SEC14L2: variants seen among roughly 807,000 people sequenced by gnomAD.
SEC14L2 encodes the protein SEC14 like lipid binding 2, also known as SEC14-like protein 2.
A neutral mutation model predicts 56.9 loss-of-function variants in SEC14L2; 50 were observed. That is an observed-to-expected ratio of 0.88 (90% confidence interval 0.70 to 1.11). The LOEUF is 1.11. Among genes scored for constraint, SEC14L2 ranks in the 50% most tolerant of loss-of-function variants. The probability of loss-of-function intolerance (pLI) is 0.00; values close to 1 mark genes in which losing one functional copy is unlikely to be tolerated. For synonymous variants in SEC14L2, 179 were observed against 188.5 expected (o/e 0.95, Z 0.41); for missense variants, 414 against 500.7 (o/e 0.83, Z 1.65).
At chr22:30,408,257 G>A (rs1250941446) in intron 5 of SEC14L2, among the ~76,000 whole-genome samples, 3 of 152,094 alleles carry the variant, frequency 2.0e-5, no homozygotes, top group Non-Finnish European at 4.4e-5. Context: ...GGTACCACTG[G>A]TGCAAATGAT....
intron 11 of SEC14L2, 116 bp downstream of exon 11, chr22:30,416,519 C>T (rs2146038164): frequency 6.3e-7 from 1 of 1,575,692 alleles, no homozygotes; most frequent in African/African-American, 1.3e-5. Context: ...AGTGGAATGC[C>T]ATCAGTTCAA....
intron 7 of SEC14L2, among the ~76,000 whole-genome samples, chr22:30,410,184 G>C (rs1217709756): frequency 6.6e-6 from 1 of 151,894 alleles, no homozygotes; most frequent in Non-Finnish European, 1.5e-5. Context: ...CACTGCTTGA[G>C]CCCAGGAGTA....
chr22:30,422,152 G>A, intron 11 of SEC14L2, 125 bp from the exon 12 acceptor site: 1 of 1,184,524 alleles, frequency 8.4e-7, no homozygotes. Context: ...CATTACCTAG[G>A]CTACCTTCAT....
intron 1 of SEC14L2, chr22:30,398,626 T>C (rs1183382876): frequency 2.2e-6 from 1 of 458,020 alleles, no homozygotes; most frequent in Non-Finnish European, 4.6e-6. Context: ...AACTGTTCCC[T>C]CCACCTGAGT....
chr22:30,424,655 C>T lies in SEC14L2; in HGVS notation c.*2248C>T. The T allele has an allele frequency of 2.2e-6, 1 of 455,052 alleles. No homozygotes were observed. Among genetic ancestry groups the T allele is most frequent in the Non-Finnish European group, 4.4e-6 (1 of 226,474 alleles). 28.2% of individuals were successfully genotyped at this position (455,052 alleles called of 1,614,324 possible). ...AGTGCTCGTCAATGTTGGCTACTCTCATTTTTTTTGCAGACGTGGGAACTG... is the reference window on the plus strand; with the variant it reads ...AGTGCTCGTCAATGTTGGCTACTCTTATTTTTTTTGCAGACGTGGGAACTG... On this transcript the variant is annotated 3_prime_UTR_variant, in exon 12 of 12. Coordinates refer to ENST00000615189, the MANE Select transcript of SEC14L2 (RefSeq NM_012429.5).
intron 11 of SEC14L2, 124 bp from the exon 12 acceptor site, chr22:30,422,143 ATTACCTAGGC>A: frequency 1.8e-6 from 2 of 1,108,828 alleles, no homozygotes; most frequent in Admixed American, 4.5e-5. Flanking sequence ...GTCAAGGATC[ATTACCTAGGC>A]TACCTTCATC....
chr22:30,407,648 G>T, intron 5 of SEC14L2, 45 bp downstream of exon 5: 1 of 1,555,366 alleles, frequency 6.4e-7, no homozygotes. Context: ...CACAGCAGAG[G>T]CATTCCAGCA....
At chr22:30,398,609 C>T (rs1021083471) in intron 1 of SEC14L2, 7 of 444,890 alleles carry the variant, frequency 1.6e-5, no homozygotes, top group Admixed American at 4.8e-5. Context: ...CTGGCTTCCC[C>T]TACTGGAACT....
At chr22:30,405,951 T>C (rs912093388) in intron 2 of SEC14L2, among the ~76,000 whole-genome samples, 1 of 152,096 alleles carries the variant, frequency 6.6e-6, no homozygotes, top group African/African-American at 2.4e-5. Context: ...GGTCTCAGGA[T>C]TGGATGTGAG....
chr22:30,398,191 G>A (rs1210368638), intron 1 of SEC14L2, among the ~76,000 whole-genome samples: 1 of 152,252 alleles, frequency 6.6e-6, no homozygotes, highest in Non-Finnish European at 1.5e-5. Context: ...GGAGGCTTCA[G>A]ATTTTACTGC....
intron 11 of SEC14L2, among the ~76,000 whole-genome samples, chr22:30,419,095 G>A (rs1169924992): frequency 6.6e-6 from 1 of 152,208 alleles, no homozygotes; most frequent in Non-Finnish European, 1.5e-5. Flanking sequence ...GCACAATGTG[G>A]TCAGAAGACT....
At chr22:30,410,251 A>T (rs192178067) in intron 7 of SEC14L2, among the ~76,000 whole-genome samples, 337 of 152,376 alleles carry the variant, frequency 2.2e-3, no homozygotes, top group African/African-American at 7.9e-3. Flanking sequence ...TGACAGAGCA[A>T]GACTCTGTCT....
At chr22:30,401,194 T>G (rs1013006789) in intron 2 of SEC14L2, among the ~76,000 whole-genome samples, 11 of 119,686 alleles carry the variant, frequency 9.2e-5, no homozygotes, top group Non-Finnish European at 1.8e-4. Context: ...GTGATTTATT[T>G]ATTTATTTAT....
chr22:30,424,883 C>T lies in SEC14L2; in HGVS notation c.*2476C>T, dbSNP rs1421923995. ...TAACCCCAACTCTGTCTCCCTTGCCCGATTCATTCATTCGTTAATTAATTC... is the reference window on the plus strand; with the variant it reads ...TAACCCCAACTCTGTCTCCCTTGCCTGATTCATTCATTCGTTAATTAATTC... On this transcript the variant is annotated 3_prime_UTR_variant, in exon 12 of 12. Coordinates refer to ENST00000615189, the MANE Select transcript of SEC14L2 (RefSeq NM_012429.5). The T allele has an allele frequency of 6.7e-6, 3 of 450,918 alleles. No individual in the cohort carries two copies. Among genetic ancestry groups the T allele is most frequent in the South Asian group, 4.7e-5 (3 of 64,152 alleles). The allele number at this position is 450,918 out of a possible 1,614,324, so 27.9% of individuals were successfully genotyped here.
In SEC14L2 at chr22:30,415,966, A is replaced by G; in HGVS notation, c.790A>G (p.Ile264Val). Residue 264 changes from isoleucine (I) to valine (V), a missense_variant, in exon 10 of 12, where the codon ATC becomes GTC. Physicochemically the swap from Ile to Val is conservative, Grantham distance 29 (BLOSUM62 3). Transcript: ENST00000615189. ...CTTCTAGATCAACTACGGGGGTGAC[A>G]TCCCCAGGAAGTATTATGTGCGAGA... The part of the protein sequence containing the change: ...CKSKINYGGD[I>V]PRKYYVRDQV... 1 of 1,614,204 alleles carries G rather than the reference A, an allele frequency of 6.2e-7. No individual in the cohort carries two copies. Among genetic ancestry groups the G allele is most frequent in the Admixed American group, 1.7e-5 (1 of 60,030 alleles).
chr22:30,401,929 G>A (rs1453979513), intron 2 of SEC14L2, among the ~76,000 whole-genome samples: 1 of 152,018 alleles, frequency 6.6e-6, no homozygotes, highest in African/African-American at 2.4e-5. Context: ...ACATGCACAT[G>A]CACACCCTAG....
chr22:30,417,592 T>A (rs1216157110), intron 11 of SEC14L2, among the ~76,000 whole-genome samples: 1 of 152,170 alleles, frequency 6.6e-6, no homozygotes, highest in African/African-American at 2.4e-5. Flanking sequence ...ACCTGATGAT[T>A]TGATGTGATA....
At position 30,407,176 on chromosome 22, in the gene SEC14L2, T is replaced by G. The variant is rs543414200; in HGVS notation, c.234+22T>G. 3.7e-6 allele frequency: 6 copies of G among 1,613,364 alleles called. No individual in the cohort carries two copies. In the African/African-American group the frequency reaches 5.3e-5, roughly 14 times the overall value. On this transcript the variant is annotated intron_variant, in intron 4 of 11. Transcript: ENST00000615189. Reference sequence around the variant, plus strand: ...AGAGGTGAGCACAAATTATCCCACCTCATCCCTATGCTAGGCCTTTCAGAC... The same window carrying G: ...AGAGGTGAGCACAAATTATCCCACCGCATCCCTATGCTAGGCCTTTCAGAC...
At chr22:30,405,788 C>T (rs1382255518) in intron 2 of SEC14L2, among the ~76,000 whole-genome samples, 1 of 152,144 alleles carries the variant, frequency 6.6e-6, no homozygotes, top group Non-Finnish European at 1.5e-5. Flanking sequence ...GCAATCCTCC[C>T]ACCTCAGCCT....
Sources: allele counts gnomAD v4.1 joint callset (sites outside exome capture counted in the v4.1 genomes callset), GRCh38; gene constraint gnomAD v4.1.1; transcripts MANE v1.5; gene names NCBI Gene and HGNC (gene_info 2026-07-23, HGNC 2026-07-21).